Variants in DOCK5 observed in about 807,000 individuals in gnomAD.
DOCK5 encodes the protein dedicator of cytokinesis 5.
A neutral mutation model predicts 251.8 loss-of-function variants in DOCK5; 142 were observed. The observed-to-expected ratio is 0.56, with a 90% CI of 0.49 to 0.65. DOCK5 has a LOEUF of 0.65. Ranked by LOEUF, DOCK5 falls within the 30% of genes least tolerant of loss-of-function variation. The pLI is 0.00. For missense variants in DOCK5, 2,111 were observed against 2,312.3 expected (o/e 0.91, Z 1.79); for synonymous variants, 842 against 835.5 (o/e 1.01, Z -0.13).
rs796312603 is a variant in DOCK5 at position 25,414,046 on chromosome 8, T to C, written c.*2748T>C. 7 of 152,346 alleles carry C rather than the reference T, an allele frequency of 4.6e-5. No homozygotes were observed. Among genetic ancestry groups the C allele is most frequent in the African/African-American group, 1.7e-4 (7 of 41,586 alleles). The allele number at this position is 152,346 out of a possible 1,614,324, so 9.4% of individuals were successfully genotyped here. Reference sequence around the variant, plus strand: ...AACTCTCTGGAGTATTGAAAGACATTGAAATTATCCCTAAAATTGTCACAA... The same window carrying C: ...AACTCTCTGGAGTATTGAAAGACATCGAAATTATCCCTAAAATTGTCACAA... On this transcript the variant is annotated 3_prime_UTR_variant, in exon 52 of 52. Coordinates refer to ENST00000276440, the MANE Select transcript of DOCK5 (RefSeq NM_024940.8).
At chr8:25,311,286 G>A (rs1024262913) in intron 13 of DOCK5, among the ~76,000 whole-genome samples, 4 of 152,154 alleles carry the variant, frequency 2.6e-5, no homozygotes, top group Admixed American at 2.6e-4. Context: ...GCTCACGCCT[G>A]TAAAATCAGC....
At chr8:25,375,688 C>T (rs1800951339) in intron 37 of DOCK5, 2 of 983,362 alleles carry the variant, frequency 2.0e-6, no homozygotes, top group Non-Finnish European at 2.4e-6. Flanking sequence ...ATATTTTATA[C>T]TAAAGTAATA....
chr8:25,279,705 C>T (rs752355662), intron 5 of DOCK5, among the ~76,000 whole-genome samples: 2 of 152,128 alleles, frequency 1.3e-5, no homozygotes, highest in Non-Finnish European at 1.5e-5. Context: ...GCAACCTCCG[C>T]CTCCCAAGTT....
At chr8:25,213,244 A>G (rs1273967902) in intron 1 of DOCK5, among the ~76,000 whole-genome samples, 1 of 151,894 alleles carries the variant, frequency 6.6e-6, no homozygotes, top group Non-Finnish European at 1.5e-5. Context: ...ATGAATGGGC[A>G]CCAGGATGGG....
intron 46 of DOCK5, among the ~76,000 whole-genome samples, chr8:25,400,351 A>G (rs1801417278): frequency 6.6e-6 from 1 of 151,984 alleles, no homozygotes. Context: ...CTACAAAATT[A>G]GCCAGGCATG....
intron 1 of DOCK5, among the ~76,000 whole-genome samples, chr8:25,227,216 C>G (rs1332282882): frequency 6.6e-6 from 1 of 152,212 alleles, no homozygotes; most frequent in Non-Finnish European, 1.5e-5. Flanking sequence ...AGAAGCCTGA[C>G]TGCCGACCTC....
chr8:25,207,212 T>G (rs192445477), intron 1 of DOCK5, among the ~76,000 whole-genome samples: 1 of 152,280 alleles, frequency 6.6e-6, no homozygotes, highest in East Asian at 1.9e-4. Context: ...TGAAGTTTGA[T>G]GAAAGAAGTT....
chr8:25,365,907 T>G (rs1340449014), intron 30 of DOCK5, among the ~76,000 whole-genome samples: 2 of 152,194 alleles, frequency 1.3e-5, no homozygotes, highest in Admixed American at 1.3e-4. Flanking sequence ...CAGAGATGCA[T>G]GCACATATAG....
chr8:25,199,469 C>T (rs1801827822), intron 1 of DOCK5, among the ~76,000 whole-genome samples: 1 of 151,226 alleles, frequency 6.6e-6, no homozygotes, highest in South Asian at 2.1e-4. Context: ...CTGCAACCTC[C>T]ACCTCCTGTG....
chr8:25,327,622 T>G (rs1317846036), intron 18 of DOCK5, among the ~76,000 whole-genome samples: 3 of 152,220 alleles, frequency 2.0e-5, no homozygotes, highest in Admixed American at 6.5e-5. Context: ...CTTCGTTTGC[T>G]GATACATCTA....
At chr8:25,369,451 A>G in intron 33 of DOCK5, 105 bp from the exon 34 acceptor site, 1 of 895,126 alleles carries the variant, frequency 1.1e-6, no homozygotes, top group Non-Finnish European at 1.7e-6. Flanking sequence ...TCTGTGCTGG[A>G]AACAGTTCAC....
At chr8:25,392,320 A>C (rs1801275339) in intron 43 of DOCK5, among the ~76,000 whole-genome samples, 1 of 151,418 alleles carries the variant, frequency 6.6e-6, no homozygotes, top group African/African-American at 2.4e-5. Flanking sequence ...AAAAAAAAAA[A>C]AGGTAAAATT....
At position 25,343,678 on chromosome 8, in the gene DOCK5, A is replaced by C. The variant is rs182211256; in HGVS notation, c.2617+1171A>C. 7.5e-4 allele frequency among the ~76,000 whole-genome samples: 114 copies of C among 152,352 alleles called. 1 individual carries two copies. The highest frequency in any genetic ancestry group is 9.1e-4 in the Non-Finnish European group (62 of 68,038). On this transcript the variant is annotated intron_variant, in intron 25 of 51. Transcript: ENST00000276440. ...GAAACAGCAATGTGTTGGATCCCAC[A>C]GGAGAGCTGGTTACATGCATCCCTT...
intron 5 of DOCK5, among the ~76,000 whole-genome samples, chr8:25,288,173 A>G (rs1013523682): frequency 6.6e-6 from 1 of 152,294 alleles, no homozygotes; most frequent in East Asian, 1.9e-4. Flanking sequence ...GGCGTGAGCC[A>G]CTGCGCCCGG....
chr8:25,358,895 CT>C, intron 27 of DOCK5, 67 bp from the exon 28 acceptor site: 1 of 1,398,168 alleles, frequency 7.2e-7, no homozygotes, highest in Non-Finnish European at 1.0e-6. Context: ...GTTCATGGGG[CT>C]CACATAGTGT....
intron 2 of DOCK5, among the ~76,000 whole-genome samples, chr8:25,262,843 C>G (rs1042283724): frequency 3.3e-5 from 5 of 150,584 alleles, no homozygotes; most frequent in Non-Finnish European, 7.4e-5. Flanking sequence ...TTTTTGAGAC[C>G]GAGTCTGGCT....
chr8:25,186,386 C>A lies in DOCK5; in HGVS notation c.43+1435C>A, dbSNP rs181393557. Among the ~76,000 whole-genome samples, 36 of 139,614 alleles carry A rather than the reference C, an allele frequency of 2.6e-4. 1 individual carries two copies. The highest frequency in any genetic ancestry group is 2.1e-3 in the East Asian group (10 of 4,744). 91.6% of individuals were successfully genotyped at this position (139,614 alleles called of 152,430 possible). On this transcript the variant is annotated intron_variant, in intron 1 of 51. Coordinates refer to ENST00000276440, the MANE Select transcript of DOCK5 (RefSeq NM_024940.8). ...TTTTTTGGTTTGTTTGTTTTTGAGA[C>A]GGACTGACGAGGGAGTCTCACTCTG...
intron 45 of DOCK5, among the ~76,000 whole-genome samples, chr8:25,399,407 T>C (rs371650458): frequency 1.3e-5 from 2 of 152,186 alleles, no homozygotes; most frequent in South Asian, 4.1e-4. Flanking sequence ...AGGGGACTAG[T>C]AAGAAAGTGC....
Position 25,267,292 on chromosome 8 carries a change from A to G in DOCK5, c.128-1553A>G, listed in dbSNP as rs568369982. 3.3e-5 allele frequency among the ~76,000 whole-genome samples: 5 copies of G among 152,308 alleles called. No homozygotes were observed. The South Asian group carries it at 6.2e-4, about 19-fold the overall frequency. ...GCCATGTGCCTTGATGCAAGCCACAATTCCACAGCATAGTACCCCACGCCT... is the reference window on the plus strand; with the variant it reads ...GCCATGTGCCTTGATGCAAGCCACAGTTCCACAGCATAGTACCCCACGCCT... On this transcript the variant is annotated intron_variant, in intron 2 of 51. Transcript: ENST00000276440.
Sources: allele counts gnomAD v4.1 joint callset (sites outside exome capture counted in the v4.1 genomes callset), GRCh38; gene constraint gnomAD v4.1.1; transcripts MANE v1.5; gene names NCBI Gene and HGNC (gene_info 2026-07-23, HGNC 2026-07-21).